The following DCP1A variants were observed in gnomAD, a reference collection of about 807,000 sequenced individuals.
DCP1A encodes the protein decapping mRNA 1A.
A neutral mutation model predicts 58.0 loss-of-function variants in DCP1A; 20 were observed. That is an observed-to-expected ratio of 0.34 (90% confidence interval 0.24 to 0.50). DCP1A has a LOEUF of 0.50. Ranked by LOEUF, DCP1A falls within the 20% of genes least tolerant of loss-of-function variation. DCP1A has a pLI of 0.98. For missense variants in DCP1A, 613 were observed against 712.2 expected, an observed-to-expected ratio of 0.86 and a Z score of 1.59; for synonymous variants, 285 against 275.1, an observed-to-expected ratio of 1.04 and a Z score of -0.36.
chr3:53,302,813 G>A (rs1215567079), intron 6 of DCP1A, among the ~76,000 whole-genome samples: 6 of 152,070 alleles, frequency 3.9e-5, no homozygotes, highest in African/African-American at 1.4e-4. Flanking sequence ...AGTAGAAACG[G>A]GGTTTCGCCA....
chr3:53,296,067 AT>A (rs1228535244), intron 6 of DCP1A, among the ~76,000 whole-genome samples: 3 of 152,066 alleles, frequency 2.0e-5, no homozygotes, highest in Admixed American at 2.0e-4. Context: ...TAATTTTTGT[AT>A]TTTTTGTAGA....
chr3:53,300,634 T>G (rs1707282916), intron 6 of DCP1A, among the ~76,000 whole-genome samples: 1 of 152,080 alleles, frequency 6.6e-6, no homozygotes. Context: ...CCACTGTGCC[T>G]GGCTGATTCT....
intron 3 of DCP1A, among the ~76,000 whole-genome samples, chr3:53,322,013 A>G (rs782022494): frequency 3.3e-5 from 5 of 152,224 alleles, no homozygotes; most frequent in African/African-American, 7.2e-5. Context: ...CATTTTTATA[A>G]CTATTATTTG....
intron 3 of DCP1A, among the ~76,000 whole-genome samples, chr3:53,322,576 C>T (rs1559698058): frequency 2.0e-5 from 3 of 151,748 alleles, no homozygotes; most frequent in Admixed American, 6.6e-5. Flanking sequence ...AGCAAGTGAA[C>T]GGCTTCATTT....
chr3:53,312,115 CT>C, intron 5 of DCP1A, 125 bp downstream of exon 5: 1 of 1,021,028 alleles, frequency 9.8e-7, no homozygotes, highest in Non-Finnish European at 1.4e-6. Flanking sequence ...CTAACACGCT[CT>C]CTTTTTGAAC....
intron 3 of DCP1A, among the ~76,000 whole-genome samples, chr3:53,320,436 C>G (rs1205551736): frequency 6.6e-6 from 1 of 152,106 alleles, no homozygotes; most frequent in Non-Finnish European, 1.5e-5. Flanking sequence ...ATGGATAAGA[C>G]CCATTGCTAC....
intron 4 of DCP1A, 132 bp from the exon 5 acceptor site, chr3:53,312,511 T>G (rs1301718174): frequency 1.1e-6 from 1 of 919,830 alleles, no homozygotes; most frequent in Non-Finnish European, 1.5e-6. Flanking sequence ...TTTTTTTTTT[T>G]TTGAGATGGA....
At chr3:53,331,693 G>T (rs372330674) in intron 3 of DCP1A, among the ~76,000 whole-genome samples, 1 of 152,042 alleles carries the variant, frequency 6.6e-6, no homozygotes, top group African/African-American at 2.4e-5. Context: ...TTCACATGCC[G>T]GGTTTAGATT....
intron 3 of DCP1A, among the ~76,000 whole-genome samples, chr3:53,328,015 G>A (rs1708159687): frequency 6.6e-6 from 1 of 152,030 alleles, no homozygotes; most frequent in African/African-American, 2.4e-5. Flanking sequence ...CCCAGCTCAG[G>A]AGGCTGAGGC....
intron 6 of DCP1A, among the ~76,000 whole-genome samples, chr3:53,296,041 C>T (rs146428887): frequency 9.9e-5 from 15 of 152,090 alleles, no homozygotes; most frequent in African/African-American, 2.2e-4. Context: ...TATAGGCGTG[C>T]GTCACCACAT....
At chr3:53,309,408 T>C (rs1205357686) in intron 5 of DCP1A, among the ~76,000 whole-genome samples, 1 of 151,578 alleles carries the variant, frequency 6.6e-6, no homozygotes, top group African/African-American at 2.4e-5. Flanking sequence ...AAAGATATTA[T>C]AGAAGTGCAA....
chr3:53,347,346 G>C, intron 1 of DCP1A, 37 bp downstream of exon 1: 1 of 1,515,282 alleles, frequency 6.6e-7, no homozygotes, highest in South Asian at 1.2e-5. Context: ...AGACGGCAGC[G>C]GCCGGGTGGC....
intron 4 of DCP1A, among the ~76,000 whole-genome samples, chr3:53,314,392 C>G (rs1052246292): frequency 6.6e-6 from 1 of 152,136 alleles, no homozygotes; most frequent in African/African-American, 2.4e-5. Flanking sequence ...ACTTCTAAAA[C>G]AAATGTAGCA....
Position 53,304,304 on chromosome 3 carries a change from A to G in DCP1A, c.511-14T>C. 1.9e-6 allele frequency: 3 copies of G among 1,591,186 alleles called. No individual in the cohort carries two copies. The highest frequency in any genetic ancestry group is 2.6e-6 in the Non-Finnish European group (3 of 1,162,298). On this transcript the variant is annotated splice_polypyrimidine_tract_variant and intron_variant, in intron 5 of 9. Coordinates refer to ENST00000610213, the MANE Select transcript of DCP1A (RefSeq NM_018403.7). ...ACCCATCTGATTCTTTAAAAAGTTA[A>G]AAGAAAAAAATATATCTTGTGAAAA...
intron 3 of DCP1A, among the ~76,000 whole-genome samples, chr3:53,333,564 G>A (rs1230252678): frequency 1.3e-5 from 2 of 151,968 alleles, no homozygotes; most frequent in Admixed American, 6.6e-5. Flanking sequence ...AGCACTTTGG[G>A]AGGCCAAGGT....
In DCP1A at chr3:53,288,245, T is replaced by C. The variant is rs1706719734; in HGVS notation, c.1488A>G (p.Ala496=). The change falls in exon 9 of 10, where the codon GCA becomes GCG. Residue 496 remains alanine (A), a synonymous_variant. Transcript: ENST00000610213. ...TTGGGGCCAGCAGGACTGAAGACAC[T>C]GCAGTGGTCGTTGCAGTAACCAGTG... The part of the protein sequence containing the change: ...GAPLVTATTT[A]VSSVLLAPSV... 6.2e-7 allele frequency: 1 copy of C among 1,613,506 alleles called. No individual in the cohort carries two copies. Among genetic ancestry groups the C allele is most frequent in the Non-Finnish European group, 8.5e-7 (1 of 1,179,748 alleles).
chr3:53,321,545 C>T (rs571026189), intron 3 of DCP1A, among the ~76,000 whole-genome samples: 8 of 151,978 alleles, frequency 5.3e-5, no homozygotes, highest in Admixed American at 2.0e-4. Flanking sequence ...CATGGTGAAA[C>T]CCCGTCTCTA....
At chr3:53,342,511 C>T (rs1345598533) in intron 2 of DCP1A, among the ~76,000 whole-genome samples, 1 of 152,170 alleles carries the variant, frequency 6.6e-6, no homozygotes, top group African/African-American at 2.4e-5. Context: ...CACCAAGGCC[C>T]CACCTGATAT....
In DCP1A at chr3:53,290,644, G is replaced by T. The variant is rs947847853; in HGVS notation, c.1449+147C>A. ...TCTTCAGAAAGAGGGAGTCCTGGCT[G>T]GTCCAAAGGGAGTGAATTATCTCAC... On this transcript the variant is annotated intron_variant, in intron 8 of 9. Coordinates refer to ENST00000610213, the MANE Select transcript of DCP1A (RefSeq NM_018403.7). 4 of 701,374 alleles carry T rather than the reference G, an allele frequency of 5.7e-6. No homozygotes were observed. The African/African-American group carries it at 7.3e-5, about 13-fold the overall frequency. The allele number at this position is 701,374 out of a possible 1,614,324, so 43.4% of individuals were successfully genotyped here. A position where few individuals can be genotyped will look rare whatever the true frequency, so the allele number is the denominator to read the frequency against.
Sources: gnomAD v4.1 joint callset for allele counts (sites outside exome capture counted in the v4.1 genomes callset) on GRCh38, gnomAD v4.1.1 for gene constraint, MANE v1.5 for transcripts, NCBI Gene and HGNC (gene_info 2026-07-23, HGNC 2026-07-21) for gene names.